The following CFAP46 variants were observed in gnomAD, a reference collection of about 807,000 sequenced individuals.
The protein encoded by CFAP46 is cilia and flagella associated protein 46.
CFAP46 carries 245 observed loss-of-function variants against 325.7 expected under a neutral mutation model. The ratio of observed to expected loss-of-function variants is 0.75; its 90% CI spans 0.68 to 0.84. CFAP46 has a LOEUF of 0.84. CFAP46 is among the 40% of genes least tolerant of loss of function. The pLI, the probability that CFAP46 is intolerant of heterozygous loss-of-function variation, is 0.00. For missense variants in CFAP46, 3,346 were observed against 3,543.0 expected (o/e 0.94, Z 1.41); for synonymous variants, 1,523 against 1,495.9 (o/e 1.02, Z -0.42).
At position 132,847,015 on chromosome 10, in the gene CFAP46, C is replaced by T. The variant is rs370543445; in HGVS notation, c.6184G>A (p.Ala2062Thr). 8.1e-6 allele frequency: 13 copies of T among 1,610,576 alleles called. No homozygotes were observed. Among genetic ancestry groups the T allele is most frequent in the Middle Eastern group, 2.0e-4 (1 of 4,958 alleles). ...VALGSGLLDV[A>T]AAASLEMVEC... ...ACCATCTCCAGGCTGGCGGCTGCTG[C>T]GACATCCAGGAGGCCACTGCCAAGG... The change falls in exon 43 of 58, where the codon GCA becomes ACA. Residue 2062 changes from alanine (A) to threonine (T), a missense_variant. Transcript: ENST00000368586. The surrounding 1 kb of genome is among the most constrained non-coding windows in gnomAD (Gnocchi z 5.2).
chr10:132,832,390 C>T lies in CFAP46; in HGVS notation c.7117+968G>A, dbSNP rs12258960. Among the ~76,000 whole-genome samples the T allele has an allele frequency of 5.3e-4, 56 of 105,660 alleles. 3 individuals are homozygous for T. The highest frequency in any genetic ancestry group is 2.0e-3 in the African/African-American group (51 of 25,328). 69.3% of individuals were successfully genotyped at this position (105,660 alleles called of 152,430 possible). ...GCGGAGACCCCTGGGCTCTTCCTGC[C>T]CCCCCCCCCCAATGCTGTGGCCTGG... On this transcript the variant is annotated intron_variant, in intron 50 of 57. Transcript: ENST00000368586. The surrounding 1 kb of genome is among the most constrained non-coding windows in gnomAD (Gnocchi z 4.1).
At chr10:132,938,785 G>A (rs1214793874) in intron 4 of CFAP46, 32 bp from the exon 5 acceptor site, 6 of 1,594,680 alleles carry the variant, frequency 3.8e-6, no homozygotes, top group East Asian at 4.5e-5. Context: ...CAGAGAGCAC[G>A]CTCAAAGCCC....
chr10:132,879,371 C>T (rs562999955), intron 29 of CFAP46, 55 bp downstream of exon 29: 8 of 1,432,952 alleles, frequency 5.6e-6, no homozygotes, highest in South Asian at 1.5e-5. Flanking sequence ...TTCCCCAGCC[C>T]GCGGCCCGTC....
chr10:132,839,220 C>CA (rs1564773327), intron 44 of CFAP46, among the ~76,000 whole-genome samples: 12 of 147,630 alleles, frequency 8.1e-5, no homozygotes, highest in African/African-American at 3.2e-4. Flanking sequence ...TCTGATTTGT[C>CA]GTTTTTCCCT....
chr10:132,832,826 G>T lies in CFAP46; in HGVS notation c.7117+532C>A. 1 of 470,866 alleles carries T rather than the reference G, an allele frequency of 2.1e-6. No homozygotes were observed. 29.2% of individuals were successfully genotyped at this position (470,866 alleles called of 1,614,324 possible). On this transcript the variant is annotated intron_variant, in intron 50 of 57. Coordinates refer to ENST00000368586, the MANE Select transcript of CFAP46 (RefSeq NM_001200049.3). This position sits in a 1 kb window ranked among gnomAD's most constrained non-coding sequence, Gnocchi z 4.1. ...GTCTGAGTGATTAACGGAGAGGCTG[G>T]CTGTTTACTACACATCTGGTCCCCT...
At chr10:132,837,990 GAC>G (rs1282033506) in intron 44 of CFAP46, among the ~76,000 whole-genome samples, 3 of 110,260 alleles carry the variant, frequency 2.7e-5, no homozygotes, top group Non-Finnish European at 5.8e-5. Context: ...GACATGCACG[GAC>G]ACACGTGTAC....
intron 44 of CFAP46, among the ~76,000 whole-genome samples, chr10:132,843,058 T>C (rs1354767563): frequency 1.3e-5 from 2 of 152,162 alleles, no homozygotes; most frequent in East Asian, 1.9e-4. Flanking sequence ...TTTTCCAATG[T>C]CCCCCTCAGA....
intron 7 of CFAP46, 130 bp from the exon 8 acceptor site, chr10:132,934,992 C>T (rs1346244389): frequency 1.5e-5 from 10 of 680,788 alleles, no homozygotes; most frequent in South Asian, 6.6e-5. Context: ...CCCCTCCTGC[C>T]TTCTTTCCTC....
chr10:132,852,891 C>T (rs1230403748), intron 39 of CFAP46, among the ~76,000 whole-genome samples: 1 of 152,200 alleles, frequency 6.6e-6, no homozygotes, highest in East Asian at 1.9e-4. Flanking sequence ...CTGATATCTG[C>T]ATATTGTTCT....
intron 8 of CFAP46, among the ~76,000 whole-genome samples, chr10:132,933,484 A>C (rs1236159899): frequency 6.6e-6 from 1 of 152,216 alleles, no homozygotes; most frequent in Non-Finnish European, 1.5e-5. Flanking sequence ...CAGTTAGAAC[A>C]ACCTGGAGGG....
intron 17 of CFAP46, among the ~76,000 whole-genome samples, chr10:132,915,312 C>T (rs903653484): frequency 7.9e-5 from 12 of 152,222 alleles, no homozygotes; most frequent in Admixed American, 1.3e-4. Context: ...CCTGAAATGA[C>T]GGGGCTGTGA....
In CFAP46 at chr10:132,833,425, T is replaced by C. The variant is rs1848183739; in HGVS notation, c.7050A>G (p.Thr2350=). The change falls in exon 50 of 58, where the codon ACA becomes ACG. Residue 2350 remains threonine, a synonymous_variant. Transcript: ENST00000368586. The stretch of plus-strand genomic sequence containing the variant: ...AAAATTCTCGTGACACAGAGGAAAT[T>C]GTCCCTTCATCGAACACAGAGAGAC... ...LEGLSVFDEG[T]ISSVSREFSL... is the part of the protein sequence containing the mutation. The C allele has an allele frequency of 6.2e-7, 1 of 1,614,174 alleles. No homozygotes were observed.
At chr10:132,851,444 C>CT in intron 39 of CFAP46, 139 bp from the exon 40 acceptor site, 1 of 775,510 alleles carries the variant, frequency 1.3e-6, no homozygotes, top group Non-Finnish European at 2.0e-6. Flanking sequence ...AACTGACACA[C>CT]TTTGATCACG....
chr10:132,894,648 G>A (rs910987024), intron 24 of CFAP46, among the ~76,000 whole-genome samples: 2 of 151,570 alleles, frequency 1.3e-5, no homozygotes, highest in South Asian at 2.1e-4. Context: ...CATTACTACC[G>A]ACCTCAGGGA....
At chr10:132,891,297 C>T (rs1250971722) in intron 25 of CFAP46, among the ~76,000 whole-genome samples, 3 of 152,132 alleles carry the variant, frequency 2.0e-5, no homozygotes, top group Non-Finnish European at 4.4e-5. Context: ...CTGAAGTATG[C>T]CTGAAAAACG....
chr10:132,837,878 G>C (rs1218644357), intron 44 of CFAP46, among the ~76,000 whole-genome samples: 1 of 138,114 alleles, frequency 7.2e-6, no homozygotes, highest in African/African-American at 2.8e-5. Flanking sequence ...CACACACACA[G>C]ACATGCACGG....
chr10:132,822,733 T>A (rs1264891398), intron 50 of CFAP46, among the ~76,000 whole-genome samples: 1 of 141,936 alleles, frequency 7.0e-6, no homozygotes, highest in Non-Finnish European at 1.5e-5. Flanking sequence ...GTGTGCTGTG[T>A]GTGCAGTGAT....
At chr10:132,930,910 A>G (rs1222340653) in intron 8 of CFAP46, among the ~76,000 whole-genome samples, 4 of 88,656 alleles carry the variant, frequency 4.5e-5, no homozygotes, top group East Asian at 7.8e-4. Context: ...CACTCCTCAC[A>G]CAGAGCCTGG....
At position 132,878,103 on chromosome 10, in the gene CFAP46, T is replaced by C. The variant is rs376477864; in HGVS notation, c.4006-16A>G. On this transcript the variant is annotated splice_polypyrimidine_tract_variant and intron_variant, in intron 29 of 57. Coordinates refer to ENST00000368586, the MANE Select transcript of CFAP46 (RefSeq NM_001200049.3). ...TCAAAGAAACCTGGTGGGGATGAAA[T>C]CCACATTTGCAGCACTGAAAACCCA... 2 of 1,548,890 alleles carry C rather than the reference T, an allele frequency of 1.3e-6. No individual in the cohort carries two copies. Among genetic ancestry groups the C allele is most frequent in the African/African-American group, 1.4e-5 (1 of 73,092 alleles).
Sources: allele counts gnomAD v4.1 joint callset (sites outside exome capture counted in the v4.1 genomes callset), GRCh38; gene constraint gnomAD v4.1.1; non-coding constraint Gnocchi (gnomAD v3.1); transcripts MANE v1.5; gene names NCBI Gene and HGNC (gene_info 2026-07-23, HGNC 2026-07-21).